EIF4E3: variants seen among roughly 807,000 people sequenced by gnomAD.
The protein encoded by EIF4E3 is eukaryotic translation initiation factor 4E type 3.
EIF4E3 carries 26 observed loss-of-function variants against 31.7 expected under a neutral mutation model. That is an observed-to-expected ratio of 0.82 (90% CI 0.60 to 1.14). EIF4E3 has a LOEUF of 1.14. Among genes scored for constraint, EIF4E3 ranks in the 50% most tolerant of loss-of-function variants. The pLI, the probability that EIF4E3 is intolerant of heterozygous loss-of-function variation, is 0.00. For synonymous variants in EIF4E3, 128 were observed against 107.7 expected (o/e 1.19, Z -1.17); for missense variants, 304 against 270.9 (o/e 1.12, Z -0.86).
chr3:71,686,578 G>GTGTA (rs772562711), intron 6 of EIF4E3, among the ~76,000 whole-genome samples: 1 of 149,132 alleles, frequency 6.7e-6, no homozygotes, highest in East Asian at 2.0e-4. Context: ...GTGTGTGTGT[G>GTGTA]TTTTCTTTTT....
chr3:71,746,813 C>T (rs1412670917), intron 1 of EIF4E3, among the ~76,000 whole-genome samples: 1 of 152,202 alleles, frequency 6.6e-6, no homozygotes, highest in Non-Finnish European at 1.5e-5. Flanking sequence ...CTCCCAGCAA[C>T]TACTAACCAA....
chr3:71,702,236 A>T (rs1367323177), intron 2 of EIF4E3, among the ~76,000 whole-genome samples: 1 of 152,222 alleles, frequency 6.6e-6, no homozygotes, highest in African/African-American at 2.4e-5. Flanking sequence ...GGTGGTTGTC[A>T]ACTCCAGCCT....
At chr3:71,745,038 G>A (rs2049857182) in intron 1 of EIF4E3, among the ~76,000 whole-genome samples, 1 of 152,150 alleles carries the variant, frequency 6.6e-6, no homozygotes, top group African/African-American at 2.4e-5. Flanking sequence ...TTTGACATAT[G>A]GAAATCAGAC....
the EIF4E3 span, among the ~76,000 whole-genome samples, chr3:71,666,881 G>C: frequency 2.6e-5 from 4 of 152,118 alleles, no homozygotes; most frequent in African/African-American, 9.7e-5. Context: ...GGAGGTTGCA[G>C]TGAGCCGAGG....
chr3:71,707,639 T>C (rs1288545843), intron 2 of EIF4E3, among the ~76,000 whole-genome samples: 2 of 152,084 alleles, frequency 1.3e-5, no homozygotes, highest in Non-Finnish European at 2.9e-5. Context: ...AAAAGAACCC[T>C]TTTTCCTAAT....
downstream of EIF4E3, among the ~76,000 whole-genome samples, chr3:71,671,635 C>G (rs991443351): frequency 6.6e-6 from 1 of 152,122 alleles, no homozygotes; most frequent in African/African-American, 2.4e-5. Flanking sequence ...AACCATCCCT[C>G]GCCTCATTCC....
chr3:71,690,160 C>A lies in EIF4E3; in HGVS notation c.478G>T (p.Glu160Ter). The A allele has an allele frequency of 6.2e-7, 1 of 1,604,532 alleles. No individual in the cohort carries two copies. The highest frequency in any genetic ancestry group is 8.5e-7 in the Non-Finnish European group (1 of 1,176,290). Residue 160 changes from glutamate to a stop codon, truncating the protein, a stop_gained, in exon 6 of 7, where the codon GAA becomes TAA. Transcript: ENST00000425534. LOFTEE classifies it high-confidence loss of function. ...ACACTGACACTAACTCCTATTACTT[C>A]ATCATCTGAGGGGAAGACAGGAAAA... ...QFTDCAAADD[E>*]VIGVSVSVRD...
At chr3:71,713,443 T>C (rs1480703019) in intron 1 of EIF4E3, among the ~76,000 whole-genome samples, 1 of 152,188 alleles carries the variant, frequency 6.6e-6, no homozygotes, top group East Asian at 1.9e-4. Flanking sequence ...ATTTTTTTGT[T>C]TGTTTGTTTT....
chr3:71,674,504 GAAGTC>G (rs1392660290), downstream of EIF4E3, among the ~76,000 whole-genome samples: 1 of 152,164 alleles, frequency 6.6e-6, no homozygotes, highest in Non-Finnish European at 1.5e-5. Flanking sequence ...AATCAACGCA[GAAGTC>G]AAGTGCACAG....
chr3:71,711,841 G>A (rs1430496816), intron 1 of EIF4E3, among the ~76,000 whole-genome samples: 2 of 152,062 alleles, frequency 1.3e-5, no homozygotes, highest in East Asian at 3.8e-4. Flanking sequence ...AAATAAGCCG[G>A]GAGTGGTGGT....
chr3:71,754,297 CGGCCGCGGCGGG>C (rs746281230), upstream of EIF4E3: 139 of 1,148,520 alleles, frequency 1.2e-4, 8 homozygotes, highest in South Asian at 5.2e-3. The surrounding 1 kb of genome is among the most constrained non-coding windows in gnomAD (Gnocchi z 5.8). Context: ...CGGCGTGCGG[CGGCCGCGGCGGG>C]GGCGCCGCCG....
At chr3:71,712,360 G>C (rs1029584148) in intron 1 of EIF4E3, among the ~76,000 whole-genome samples, 3 of 152,032 alleles carry the variant, frequency 2.0e-5, no homozygotes, top group Admixed American at 1.3e-4. Context: ...GTATCAACTT[G>C]GATAGATACT....
chr3:71,676,955 T>C lies in EIF4E3; in HGVS notation c.*7727A>G, dbSNP rs2048879045. ...TCTAGGTCCATACTTTATATAATCCTATATGTGCAAAAAACAAATGATTTA... is the reference window on the plus strand; with the variant it reads ...TCTAGGTCCATACTTTATATAATCCCATATGTGCAAAAAACAAATGATTTA... On this transcript the variant is annotated 3_prime_UTR_variant, in exon 7 of 7. Coordinates refer to ENST00000425534, the MANE Select transcript of EIF4E3 (RefSeq NM_001134651.2). 6.6e-6 allele frequency: 1 copy of C among 152,224 alleles called. No individual in the cohort carries two copies. The highest frequency in any genetic ancestry group is 2.4e-5 in the African/African-American group (1 of 41,458). The allele number at this position is 152,224 out of a possible 1,614,324, so 9.4% of individuals were successfully genotyped here. A position where few individuals can be genotyped will look rare whatever the true frequency, so the allele number is the denominator to read the frequency against.
intron 1 of EIF4E3, among the ~76,000 whole-genome samples, chr3:71,732,552 G>A (rs1382652815): frequency 2.0e-5 from 3 of 152,326 alleles, no homozygotes; most frequent in African/African-American, 7.2e-5. Flanking sequence ...TAGGCACACA[G>A]ATTATTACCA....
At position 71,684,233 on chromosome 3, in the gene EIF4E3, C is replaced by T. The variant is rs139482238; in HGVS notation, c.*449G>A. 36 of 160,308 alleles carry T rather than the reference C, an allele frequency of 2.2e-4. No homozygotes were observed. The highest frequency in any genetic ancestry group is 7.5e-4 in the African/African-American group (31 of 41,590). 9.9% of individuals were successfully genotyped at this position (160,308 alleles called of 1,614,324 possible). On this transcript the variant is annotated 3_prime_UTR_variant, in exon 7 of 7. Coordinates refer to ENST00000425534, the MANE Select transcript of EIF4E3 (RefSeq NM_001134651.2). ...CAGATTTCTCCAAGCTAGTGTTCCT[C>T]CTTGTACAGTGTGGTATTCAAAAGC...
At chr3:71,732,762 G>C (rs1212391782) in intron 1 of EIF4E3, among the ~76,000 whole-genome samples, 1 of 152,258 alleles carries the variant, frequency 6.6e-6, no homozygotes, top group Admixed American at 6.5e-5. Flanking sequence ...AGGAAACGAT[G>C]AGCAGTAGGG....
Position 71,725,185 on chromosome 3 carries a change from C to G in EIF4E3, c.176+7G>C. Reference sequence around the variant, plus strand: ...GGCCGTGCGCGGCGGGCCCCGCGCCCCCTCACCTGTCGAGCCAGAAGGTCC... The same window carrying G: ...GGCCGTGCGCGGCGGGCCCCGCGCCGCCTCACCTGTCGAGCCAGAAGGTCC... On this transcript the variant is annotated splice_region_variant and intron_variant, in intron 1 of 6. Transcript: ENST00000425534. The surrounding 1 kb of genome is among the most constrained non-coding windows in gnomAD (Gnocchi z 6.1). 1 of 1,105,194 alleles carries G rather than the reference C, an allele frequency of 9.0e-7. No homozygotes were observed. Among genetic ancestry groups the G allele is most frequent in the South Asian group, 3.0e-5 (1 of 32,890 alleles). The allele number at this position is 1,105,194 out of a possible 1,614,324, so 68.5% of individuals were successfully genotyped here.
At chr3:71,719,538 A>T (rs1578370070) in intron 1 of EIF4E3, among the ~76,000 whole-genome samples, 1 of 151,872 alleles carries the variant, frequency 6.6e-6, no homozygotes, top group Non-Finnish European at 1.5e-5. Flanking sequence ...TTCTGATGAA[A>T]AAAAAAAAAA....
intron 1 of EIF4E3, among the ~76,000 whole-genome samples, chr3:71,730,668 C>T (rs141270187): frequency 1.6e-4 from 25 of 152,280 alleles, no homozygotes; most frequent in Admixed American, 7.2e-4. Context: ...ATTGAGTTCT[C>T]GTCCTGATCT....
Sources: allele counts gnomAD v4.1 joint callset (sites outside exome capture counted in the v4.1 genomes callset), GRCh38; gene constraint gnomAD v4.1.1; non-coding constraint Gnocchi (gnomAD v3.1); transcripts MANE v1.5; gene names NCBI Gene and HGNC (gene_info 2026-07-23, HGNC 2026-07-21).